ANKFY1: variants seen among roughly 807,000 people sequenced by gnomAD.
ANKFY1 encodes the protein ankyrin repeat and FYVE domain containing 1.
A neutral mutation model predicts 128.3 loss-of-function variants in ANKFY1; 47 were observed. The ratio of observed to expected loss-of-function variants is 0.37; its 90% confidence interval spans 0.29 to 0.47. The LOEUF is 0.47. Among genes scored for constraint, ANKFY1 ranks in the 20% least tolerant of loss-of-function variants. The probability of loss-of-function intolerance (pLI) is 1.00; values close to 1 mark genes in which losing one functional copy is unlikely to be tolerated. For missense variants in ANKFY1, 1,222 were observed against 1,510.6 expected (o/e 0.81, Z 3.17); for synonymous variants, 553 against 601.6 (o/e 0.92, Z 1.18).
intron 4 of ANKFY1, among the ~76,000 whole-genome samples, chr17:4,213,566 CTTT>C (rs1173971536): frequency 4.4e-5 from 6 of 135,380 alleles, no homozygotes; most frequent in Non-Finnish European, 8.0e-5. Flanking sequence ...ATATTTATTT[CTTT>C]TTTTTTTTTT....
chr17:4,238,430 T>C (rs902738920), intron 2 of ANKFY1, among the ~76,000 whole-genome samples: 2 of 152,072 alleles, frequency 1.3e-5, no homozygotes, highest in African/African-American at 4.8e-5. Flanking sequence ...TATTTAACTG[T>C]AGATAACATA....
At chr17:4,193,856 T>G (rs1297136920) in intron 10 of ANKFY1, among the ~76,000 whole-genome samples, 1 of 151,282 alleles carries the variant, frequency 6.6e-6, no homozygotes, top group East Asian at 1.9e-4. Context: ...GTCTCCTGGG[T>G]TCAAGCAATT....
intron 4 of ANKFY1, among the ~76,000 whole-genome samples, chr17:4,213,438 AAGGAAGCATCTCTCCC>A (rs1266502389): frequency 6.6e-6 from 1 of 152,110 alleles, no homozygotes; most frequent in Non-Finnish European, 1.5e-5. Context: ...GACTTGGTGT[AAGGAAGCATCTCTCCC>A]AGGGCACTTT....
At chr17:4,211,082 C>T (rs2060122065) in intron 4 of ANKFY1, among the ~76,000 whole-genome samples, 1 of 151,774 alleles carries the variant, frequency 6.6e-6, no homozygotes, top group African/African-American at 2.4e-5. Context: ...AAAAAACTCA[C>T]CTAAAATATC....
At chr17:4,206,759 G>C (rs2060031953) in intron 6 of ANKFY1, among the ~76,000 whole-genome samples, 1 of 152,234 alleles carries the variant, frequency 6.6e-6, no homozygotes. Context: ...AATGTGGACA[G>C]AGTGCTGTGG....
chr17:4,210,903 GCGC>G (rs2060117682), intron 4 of ANKFY1, among the ~76,000 whole-genome samples: 1 of 144,964 alleles, frequency 6.9e-6, no homozygotes, highest in African/African-American at 2.6e-5. Context: ...ATGGTGGCAG[GCGC>G]CTGTAGTCCC....
At chr17:4,173,504 C>T in intron 20 of ANKFY1, 60 bp from the exon 21 acceptor site, 1 of 1,468,282 alleles carries the variant, frequency 6.8e-7, no homozygotes, top group Non-Finnish European at 9.5e-7. Flanking sequence ...AACCTCCACT[C>T]CTCCTCACCC....
intron 22 of ANKFY1, among the ~76,000 whole-genome samples, chr17:4,171,363 A>G (rs2059316459): frequency 6.6e-6 from 1 of 152,178 alleles, no homozygotes; most frequent in African/African-American, 2.4e-5. Context: ...GCCCGTGGGA[A>G]CCCATGCTCT....
chr17:4,200,000 A>G (rs1345156664), intron 7 of ANKFY1, among the ~76,000 whole-genome samples: 3 of 152,106 alleles, frequency 2.0e-5, no homozygotes, highest in Admixed American at 6.5e-5. Flanking sequence ...GGTGAAAGCA[A>G]TTGCTCTCAG....
At position 4,210,814 on chromosome 17, in the gene ANKFY1, C is replaced by T. The variant is rs145221005; in HGVS notation, c.459-867G>A. On this transcript the variant is annotated intron_variant, in intron 4 of 24. Coordinates refer to ENST00000341657, the MANE Select transcript of ANKFY1 (RefSeq NM_001330063.2). ...TTTTAAAAGCCCCACCTAGGATCTA[C>T]TGAGGTCAGGAGCTCGAGACCAGCC... Among the ~76,000 whole-genome samples, 490 of 147,100 alleles carry T rather than the reference C, an allele frequency of 3.3e-3. 2 individuals carry two copies. Among genetic ancestry groups the T allele is most frequent in the Middle Eastern group, 0.014 (4 of 286 alleles).
chr17:4,202,522 C>G (rs940357054), intron 7 of ANKFY1, among the ~76,000 whole-genome samples: 1 of 149,790 alleles, frequency 6.7e-6, no homozygotes, highest in East Asian at 2.0e-4. Flanking sequence ...CACGGTGAAA[C>G]CCCGTCTCTA....
chr17:4,171,535 G>A (rs1239229693), intron 22 of ANKFY1, among the ~76,000 whole-genome samples: 6 of 152,184 alleles, frequency 3.9e-5, no homozygotes, highest in African/African-American at 1.4e-4. Flanking sequence ...GCAGGCCTAT[G>A]AGGGAGAATG....
At chr17:4,228,841 A>G (rs2060468187) in intron 3 of ANKFY1, among the ~76,000 whole-genome samples, 1 of 152,170 alleles carries the variant, frequency 6.6e-6, no homozygotes, top group Admixed American at 6.6e-5. Flanking sequence ...CTCAATTTGG[A>G]GGAAAAAGAA....
chr17:4,233,334 G>A (rs79098602), intron 3 of ANKFY1, among the ~76,000 whole-genome samples: 2,615 of 151,646 alleles, frequency 0.017, 73 homozygotes, highest in African/African-American at 0.06. Flanking sequence ...TATATATGAG[G>A]TCAAAGATAC....
chr17:4,241,373 G>A (rs768431522), intron 2 of ANKFY1, among the ~76,000 whole-genome samples: 21 of 148,214 alleles, frequency 1.4e-4, no homozygotes, highest in Admixed American at 2.8e-4. Context: ...TCCATCTCCC[G>A]GGTTTACGCC....
intron 19 of ANKFY1, among the ~76,000 whole-genome samples, chr17:4,175,668 C>CT (rs1308157568): frequency 6.6e-6 from 1 of 152,106 alleles, no homozygotes; most frequent in Non-Finnish European, 1.5e-5. Flanking sequence ...GGCGCCCAGT[C>CT]TAATCACTGA....
chr17:4,186,676 G>GT (rs1567922300), intron 11 of ANKFY1: 1 of 353,394 alleles, frequency 2.8e-6, no homozygotes, highest in Admixed American at 6.4e-5. Flanking sequence ...GCCCGCCCAA[G>GT]TATGTCCTCT....
At chr17:4,231,017 C>T (rs1227898616) in intron 3 of ANKFY1, among the ~76,000 whole-genome samples, 1 of 152,220 alleles carries the variant, frequency 6.6e-6, no homozygotes, top group Non-Finnish European at 1.5e-5. Context: ...CAGAATCCAA[C>T]TGAGGATTCT....
chr17:4,179,052 T>C lies in ANKFY1; in HGVS notation c.2403A>G (p.Ala801=), dbSNP rs1041798827. 6.2e-7 allele frequency: 1 copy of C among 1,614,138 alleles called. No homozygotes were observed. Among genetic ancestry groups the C allele is most frequent in the Admixed American group, 1.7e-5 (1 of 60,024 alleles). ...CCACGTGGATGGGGGTTCTTCCTTC[T>C]GCATCCTATGGAACAAGGCACAGAA... ...EFGANVNAQD[A]EGRTPIHVAI... is the part of the protein sequence containing the mutation. Residue 801 remains alanine (A), a synonymous_variant, in exon 18 of 25, where the codon GCA becomes GCG. Coordinates refer to ENST00000341657, the MANE Select transcript of ANKFY1 (RefSeq NM_001330063.2).
Sources: gnomAD v4.1 joint callset for allele counts (sites outside exome capture counted in the v4.1 genomes callset) on GRCh38, gnomAD v4.1.1 for gene constraint, MANE v1.5 for transcripts, NCBI Gene and HGNC (gene_info 2026-07-23, HGNC 2026-07-21) for gene names.